The following ATXN1 variants were observed in gnomAD, a reference collection of about 807,000 sequenced individuals.
ATXN1 encodes the protein ataxin-1.
ATXN1 carries 8 observed loss-of-function variants against 56.4 expected under a neutral mutation model. The observed-to-expected ratio is 0.14, with a 90% CI of 0.08 to 0.26. The LOEUF (loss-of-function observed/expected upper bound fraction) is 0.26, where lower values mean the gene tolerates loss of function less well. ATXN1 is among the 10% of genes least tolerant of loss of function. The probability of loss-of-function intolerance (pLI) is 1.00; values close to 1 mark genes in which losing one functional copy is unlikely to be tolerated. For synonymous variants in ATXN1, 514 were observed against 494.6 expected (o/e 1.04, Z -0.52); for missense variants, 987 against 1,106.5 (o/e 0.89, Z 1.53).
chr6:16,315,083 G>A (rs1163171693), intron 7 of ATXN1, among the ~76,000 whole-genome samples: 1 of 152,066 alleles, frequency 6.6e-6, no homozygotes, highest in African/African-American at 2.4e-5. Context: ...CACGCAAAAC[G>A]GGTACATTTG....
chr6:16,443,912 C>T (rs111400418), intron 6 of ATXN1, among the ~76,000 whole-genome samples: 99 of 152,140 alleles, frequency 6.5e-4, no homozygotes, highest in Non-Finnish European at 1.1e-3. Flanking sequence ...GTCAGGAGAT[C>T]GAGACCATCC....
intron 2 of ATXN1, among the ~76,000 whole-genome samples, chr6:16,730,564 C>T (rs1759952864): frequency 6.8e-6 from 1 of 147,458 alleles, no homozygotes; most frequent in Non-Finnish European, 1.5e-5. Context: ...TAATATATTT[C>T]TTAATTCTAC....
rs1402428513 is a variant in ATXN1 at position 16,326,958 on chromosome 6, C to T, written c.1353G>A (p.Thr451=). ...GGGGTTGAGTCCCTGCGTAGAAGGCCGTGGCTGGCAGTCCCACCGGGAGTG... is the reference window on the plus strand; with the variant it reads ...GGGGTTGAGTCCCTGCGTAGAAGGCTGTGGCTGGCAGTCCCACCGGGAGTG... ...SEPLPVGLPA[T]AFYAGTQPPV... Residue 451 remains threonine (T), a synonymous_variant, in exon 7 of 8, where the codon ACG becomes ACA. Coordinates refer to ENST00000436367, the MANE Select transcript of ATXN1 (RefSeq NM_001128164.2). The surrounding 1 kb of genome is among the most constrained non-coding windows in gnomAD (Gnocchi z 6.6). The T allele has an allele frequency of 5.0e-6, 8 of 1,613,950 alleles. No homozygotes were observed. Among genetic ancestry groups the T allele is most frequent in the Middle Eastern group, 1.6e-4 (1 of 6,084 alleles).
Position 16,306,248 on chromosome 6 carries a change from C to G in ATXN1, c.*81G>C. On this transcript the variant is annotated 3_prime_UTR_variant, in exon 8 of 8. Transcript: ENST00000436367. The surrounding 1 kb of genome is among the most constrained non-coding windows in gnomAD (Gnocchi z 5.2). ...AAATTAAGAAGATAACATGTAAATA[C>G]TGTGTTATTTTAGCCTACAGTACAG... is the stretch of plus-strand genomic sequence containing the variant. The G allele has an allele frequency of 2.8e-6, 4 of 1,435,654 alleles. No individual in the cohort carries two copies. The highest frequency in any genetic ancestry group is 1.4e-5 in the African/African-American group (1 of 70,342). 88.9% of individuals were successfully genotyped at this position (1,435,654 alleles called of 1,614,324 possible).
In ATXN1 at chr6:16,492,133, A is replaced by G. The variant is rs1177516332; in HGVS notation, c.-298-6024T>C. Among the ~76,000 whole-genome samples, 3 of 152,276 alleles carry G rather than the reference A, an allele frequency of 2.0e-5. No homozygotes were observed. In the East Asian group the frequency reaches 5.8e-4, roughly 29 times the overall value. On this transcript the variant is annotated intron_variant, in intron 5 of 7. Transcript: ENST00000436367. ...GCCATGCCTGGACTTCGGACCTCCA[A>G]CAGATAATTCAACTAAGCCATGCCT... is the stretch of plus-strand genomic sequence containing the variant.
intron 3 of ATXN1, among the ~76,000 whole-genome samples, chr6:16,648,226 A>G (rs1763835286): frequency 6.6e-6 from 1 of 152,186 alleles, no homozygotes; most frequent in Non-Finnish European, 1.5e-5. Context: ...CTTTCCTGCT[A>G]CAGCCAACAC....
intron 3 of ATXN1, among the ~76,000 whole-genome samples, chr6:16,621,147 A>T (rs1479098998): frequency 1.3e-5 from 2 of 152,246 alleles, no homozygotes; most frequent in Non-Finnish European, 2.9e-5. Context: ...TTCGGAGCCC[A>T]AGGTCATTAG....
intron 6 of ATXN1, among the ~76,000 whole-genome samples, chr6:16,411,555 T>TA (rs554507156): frequency 4.4e-4 from 65 of 146,662 alleles, no homozygotes; most frequent in African/African-American, 7.5e-4. Context: ...TCTTGAAGGT[T>TA]AAAAAAAAAA....
intron 4 of ATXN1, among the ~76,000 whole-genome samples, chr6:16,556,743 T>C (rs1002582808): frequency 6.6e-6 from 1 of 152,188 alleles, no homozygotes; most frequent in African/African-American, 2.4e-5. Flanking sequence ...CTCTGTTATT[T>C]AACACTGATC....
At chr6:16,425,139 C>G (rs6933822) in intron 6 of ATXN1, among the ~76,000 whole-genome samples, 29,381 of 152,194 alleles carry the variant, frequency 0.19, 3,082 homozygotes, top group Non-Finnish European at 0.23. Context: ...TTTTAAAGTG[C>G]ACAGATGCCT....
intron 2 of ATXN1, among the ~76,000 whole-genome samples, chr6:16,669,221 A>G (rs1251096376): frequency 6.6e-6 from 1 of 152,232 alleles, no homozygotes; most frequent in Non-Finnish European, 1.5e-5. Flanking sequence ...TTAAGAAAGG[A>G]GAATCACTCT....
At chr6:16,681,751 A>T (rs1335116342) in intron 2 of ATXN1, among the ~76,000 whole-genome samples, 2 of 152,228 alleles carry the variant, frequency 1.3e-5, no homozygotes, top group Non-Finnish European at 2.9e-5. Context: ...AACTAGAGTA[A>T]CTGCCATTAT....
intron 5 of ATXN1, among the ~76,000 whole-genome samples, chr6:16,498,056 A>G (rs903711641): frequency 3.9e-5 from 6 of 152,094 alleles, no homozygotes; most frequent in African/African-American, 1.4e-4. Flanking sequence ...AGTGGCTTTT[A>G]CTCCATCCAC....
chr6:16,384,262 G>A (rs1327759781), intron 6 of ATXN1, among the ~76,000 whole-genome samples: 1 of 152,142 alleles, frequency 6.6e-6, no homozygotes, highest in Non-Finnish European at 1.5e-5. Flanking sequence ...AGGTAATCGT[G>A]ATTAAACAAC....
rs113786256 is a variant in ATXN1, at chr6:16,647,432, A to G, written c.-489+10344T>C. Among the ~76,000 whole-genome samples, 5 of 152,334 alleles carry G rather than the reference A, an allele frequency of 3.3e-5. 1 individual carries two copies. The highest frequency in any genetic ancestry group is 1.2e-4 in the African/African-American group (5 of 41,584). On this transcript the variant is annotated intron_variant, in intron 3 of 7. Transcript: ENST00000436367. ...CAGGAAGTTTGCCTCAAGAACCTAC[A>G]CTTTTCAACACATCATACTGTTTCT...
At chr6:16,384,199 A>G (rs1485245224) in intron 6 of ATXN1, among the ~76,000 whole-genome samples, 1 of 152,242 alleles carries the variant, frequency 6.6e-6, no homozygotes, top group Non-Finnish European at 1.5e-5. Flanking sequence ...CCATGGATCC[A>G]CAACAGTCAA....
rs376626667 is a variant in ATXN1 at position 16,319,317 on chromosome 6, T to C, written c.1917+7077A>G. Among the ~76,000 whole-genome samples, 29 of 152,204 alleles carry C rather than the reference T, an allele frequency of 1.9e-4. No individual in the cohort carries two copies. In the East Asian group the frequency reaches 4.3e-3, roughly 22 times the overall value. Reference sequence around the variant, plus strand: ...AAGACATGGAAGAACCTGAAATGCATATCGCTAAGTGAGAGACGCCAATGT... The same window carrying C: ...AAGACATGGAAGAACCTGAAATGCACATCGCTAAGTGAGAGACGCCAATGT... On this transcript the variant is annotated intron_variant, in intron 7 of 7. Transcript: ENST00000436367.
intron 2 of ATXN1, among the ~76,000 whole-genome samples, chr6:16,694,327 C>A (rs975850211): frequency 2.7e-5 from 4 of 148,724 alleles, no homozygotes; most frequent in Non-Finnish European, 5.9e-5. Context: ...TCTTGGCTCA[C>A]TGCAAGCTCC....
chr6:16,726,636 G>T (rs554958483), intron 2 of ATXN1, among the ~76,000 whole-genome samples: 1 of 151,724 alleles, frequency 6.6e-6, no homozygotes, highest in South Asian at 2.1e-4. Flanking sequence ...AGGCCGAGGC[G>T]GGTGGATCAC....
Sources: allele counts gnomAD v4.1 joint callset (sites outside exome capture counted in the v4.1 genomes callset), GRCh38; gene constraint gnomAD v4.1.1; non-coding constraint Gnocchi (gnomAD v3.1); transcripts MANE v1.5; gene names NCBI Gene and HGNC (gene_info 2026-07-23, HGNC 2026-07-21).